CYB5R3: variants seen among roughly 807,000 people sequenced by gnomAD.
The protein encoded by CYB5R3 is cytochrome b5 reductase 3, also known as NADH-cytochrome b5 reductase 3.
Under a neutral mutation model 36.5 loss-of-function variants are expected in CYB5R3, and 28 were observed. The ratio of observed to expected loss-of-function variants is 0.77; its 90% CI spans 0.57 to 1.05. The LOEUF is 1.05. Among genes scored for constraint, CYB5R3 ranks in the 50% least tolerant of loss-of-function variants. The pLI is 0.00. For missense variants in CYB5R3, 474 were observed against 408.9 expected, an observed-to-expected ratio of 1.16 and a Z score of -1.37; for synonymous variants, 181 against 159.8, an observed-to-expected ratio of 1.13 and a Z score of -1.00.
chr22:42,639,493 TAGCG>T (rs1929116125), intron 1 of CYB5R3, among the ~76,000 whole-genome samples: 1 of 151,134 alleles, frequency 6.6e-6, no homozygotes, highest in East Asian at 2.0e-4. Context: ...CCAGGTATGG[TAGCG>T]GGCGTCTGCA....
At position 42,628,258 on chromosome 22, in the gene CYB5R3, G is replaced by C. The variant is rs1297195197; in HGVS notation, c.357C>G (p.Pro119=). The C allele has an allele frequency of 1.2e-6, 2 of 1,613,900 alleles. No individual in the cohort carries two copies. Among genetic ancestry groups the C allele is most frequent in the Non-Finnish European group, 1.7e-6 (2 of 1,179,972 alleles). The part of the protein sequence containing the change: ...VIKVYFKDTH[P]KFPAGGKMSQ... Reference sequence around the variant, plus strand: ...ACATCTTCCCTCCAGCGGGAAACTTGGGATGGGTGTCCTTGAAGTAAACCT... The same window carrying C: ...ACATCTTCCCTCCAGCGGGAAACTTCGGATGGGTGTCCTTGAAGTAAACCT... The change falls in exon 5 of 9, where the codon CCC becomes CCG. Residue 119 remains proline, a synonymous_variant. Transcript: ENST00000352397.
intron 1 of CYB5R3, among the ~76,000 whole-genome samples, chr22:42,639,256 G>A (rs985760642): frequency 2.6e-5 from 4 of 151,618 alleles, no homozygotes; most frequent in Admixed American, 2.6e-4. Context: ...CCTGGGAGGC[G>A]GAGGTAGCAG....
intron 1 of CYB5R3, among the ~76,000 whole-genome samples, chr22:42,642,427 T>C (rs975395442): frequency 3.3e-5 from 5 of 152,082 alleles, no homozygotes; most frequent in African/African-American, 1.2e-4. Flanking sequence ...AATGTTCTTT[T>C]ACAGTAACTT....
intron 2 of CYB5R3, among the ~76,000 whole-genome samples, chr22:42,634,149 C>T (rs974663843): frequency 4.0e-5 from 6 of 150,712 alleles, no homozygotes; most frequent in African/African-American, 7.3e-5. Context: ...GTCAGGAGTT[C>T]GAGACCAGCC....
intron 7 of CYB5R3, among the ~76,000 whole-genome samples, chr22:42,625,734 C>G (rs879265940): frequency 6.9e-4 from 105 of 151,920 alleles, no homozygotes; most frequent in African/African-American, 2.3e-3. Context: ...AGCAATGACC[C>G]GACTGGCACG....
At position 42,636,815 on chromosome 22, in the gene CYB5R3, A is replaced by C. The variant is rs1569323886; in HGVS notation, c.53T>G (p.Phe18Cys). The stretch of plus-strand genomic sequence containing the variant: ...CAGCTTCATGAGCAGACTGTACAGG[A>C]ACCAGACTGGGAAGAGCACCATATG... ...LGHMVLFPVW[F>C]LYSLLMKLFQ... is the part of the protein sequence containing the mutation. Residue 18 changes from phenylalanine to cysteine, a missense_variant, in exon 2 of 9, where the codon TTC (phenylalanine) becomes TGC (cysteine). Transcript: ENST00000352397. 1 of 1,613,950 alleles carries C rather than the reference A, an allele frequency of 6.2e-7. No homozygotes were observed. Among genetic ancestry groups the C allele is most frequent in the Admixed American group, 1.7e-5 (1 of 60,018 alleles).
intron 1 of CYB5R3, among the ~76,000 whole-genome samples, chr22:42,648,450 G>A (rs2146917616): frequency 6.6e-6 from 1 of 152,354 alleles, no homozygotes; most frequent in South Asian, 2.1e-4. Flanking sequence ...AGAAACTGGG[G>A]AGAGGAGGTG....
chr22:42,635,645 C>T (rs1414629834), intron 2 of CYB5R3, among the ~76,000 whole-genome samples: 1 of 152,218 alleles, frequency 6.6e-6, no homozygotes, highest in Non-Finnish European at 1.5e-5. Flanking sequence ...TTACAGGAAA[C>T]GGCCAGCTCC....
At chr22:42,647,573 C>CCCTGTCTCTACTAAAAGTACAAAACATAG (rs376525577) in intron 1 of CYB5R3, among the ~76,000 whole-genome samples, 7 of 151,642 alleles carry the variant, frequency 4.6e-5, no homozygotes, top group Non-Finnish European at 1.0e-4. Flanking sequence ...GATGGCGAAG[C>CCCTGTCTCTACTAAAAGTACAAAACATAG]CCAGGTGTGA....
At chr22:42,638,861 A>G (rs1433312706) in intron 1 of CYB5R3, among the ~76,000 whole-genome samples, 1 of 148,024 alleles carries the variant, frequency 6.8e-6, no homozygotes, top group East Asian at 2.0e-4. Flanking sequence ...CGTGAAACCC[A>G]GTTTCTACTA....
At position 42,619,679 on chromosome 22, in the gene CYB5R3, G is replaced by A. The variant is rs1217806092; in HGVS notation, c.*94C>T. On this transcript the variant is annotated 3_prime_UTR_variant, in exon 9 of 9. Transcript: ENST00000352397. Reference sequence around the variant, plus strand: ...GGCACGGGCAGGCCAGGCTGAACCCGGGGCCCCAGTGTGCGATGTGGGGAG... The same window carrying A: ...GGCACGGGCAGGCCAGGCTGAACCCAGGGCCCCAGTGTGCGATGTGGGGAG... The A allele has an allele frequency of 1.8e-5, 24 of 1,337,676 alleles. No homozygotes were observed. The highest frequency in any genetic ancestry group is 2.5e-4 in the Middle Eastern group (1 of 4,018). 82.9% of individuals were successfully genotyped at this position (1,337,676 alleles called of 1,614,324 possible).
chr22:42,627,243 C>T, intron 7 of CYB5R3, 61 bp downstream of exon 7: 1 of 1,408,234 alleles, frequency 7.1e-7, no homozygotes, highest in Non-Finnish European at 1.0e-6. Context: ...AGCACCTGAC[C>T]AGGCCCGAAG....
chr22:42,648,763 C>T (rs1407255485), intron 1 of CYB5R3, among the ~76,000 whole-genome samples: 2 of 152,098 alleles, frequency 1.3e-5, no homozygotes, highest in African/African-American at 2.4e-5. Flanking sequence ...ACGTGCAAAA[C>T]CCTCTGACAT....
chr22:42,628,928 A>G (rs1390886617), intron 4 of CYB5R3, among the ~76,000 whole-genome samples: 3 of 152,000 alleles, frequency 2.0e-5, no homozygotes, highest in South Asian at 2.1e-4. Context: ...TTCAGCACAG[A>G]GGGTGGCTAT....
Position 42,636,808 on chromosome 22 carries a change from G to A in CYB5R3, c.60C>T (p.Tyr20=). 6.2e-7 allele frequency: 1 copy of A among 1,613,960 alleles called. No homozygotes were observed. Among genetic ancestry groups the A allele is most frequent in the South Asian group, 1.1e-5 (1 of 91,080 alleles). Residue 20 remains tyrosine, a synonymous_variant, in exon 2 of 9, where the codon TAC becomes TAT. Coordinates refer to ENST00000352397, the MANE Select transcript of CYB5R3 (RefSeq NM_000398.7). ...HMVLFPVWFL[Y]SLLMKLFQRS... is the part of the protein sequence containing the mutation. ...GCTGGAACAGCTTCATGAGCAGACT[G>A]TACAGGAACCAGACTGGGAAGAGCA...
At chr22:42,645,198 T>C (rs2146912855) in intron 1 of CYB5R3, among the ~76,000 whole-genome samples, 1 of 152,290 alleles carries the variant, frequency 6.6e-6, no homozygotes, top group Admixed American at 6.5e-5. Flanking sequence ...GAAGTGGCCC[T>C]GGAGCAGACC....
At chr22:42,624,923 T>C (rs1269735455) in intron 7 of CYB5R3, among the ~76,000 whole-genome samples, 2 of 152,096 alleles carry the variant, frequency 1.3e-5, no homozygotes, top group African/African-American at 4.8e-5. Context: ...CACCAGCTCC[T>C]TGGTGCTCCC....
intron 7 of CYB5R3, 39 bp from the exon 8 acceptor site, chr22:42,623,927 G>A (rs773638612): frequency 1.9e-5 from 30 of 1,556,770 alleles, no homozygotes; most frequent in Non-Finnish European, 2.5e-5. Context: ...AAGGATGGGT[G>A]GCAGACTGCC....
At chr22:42,642,032 AG>A (rs958481705) in intron 1 of CYB5R3, among the ~76,000 whole-genome samples, 13 of 152,202 alleles carry the variant, frequency 8.5e-5, no homozygotes, top group African/African-American at 2.9e-4. Context: ...AACATACATT[AG>A]ATATATACTG....
Sources: allele counts gnomAD v4.1 joint callset (sites outside exome capture counted in the v4.1 genomes callset), GRCh38; gene constraint gnomAD v4.1.1; transcripts MANE v1.5; gene names NCBI Gene and HGNC (gene_info 2026-07-23, HGNC 2026-07-21).